The following KCNK2 variants were observed in gnomAD, a reference collection of about 807,000 sequenced individuals.
KCNK2 encodes potassium two pore domain channel subfamily K member 2.
KCNK2 carries 21 observed loss-of-function variants against 40.5 expected under a neutral mutation model. That is an observed-to-expected ratio of 0.52 (90% CI 0.37 to 0.75). The LOEUF (loss-of-function observed/expected upper bound fraction) is 0.75, where lower values mean the gene tolerates loss of function less well. Among genes scored for constraint, KCNK2 ranks in the 30% least tolerant of loss-of-function variants. The probability of loss-of-function intolerance (pLI) is 0.00; values close to 1 mark genes in which losing one functional copy is unlikely to be tolerated. For synonymous variants in KCNK2, 191 were observed against 202.2 expected, an observed-to-expected ratio of 0.94 and a Z score of 0.47; for missense variants, 399 against 531.6, an observed-to-expected ratio of 0.75 and a Z score of 2.45.
chr1:215,227,837 T>A (rs1571753522), intron 6 of KCNK2, among the ~76,000 whole-genome samples: 1 of 152,106 alleles, frequency 6.6e-6, no homozygotes, highest in Admixed American at 6.5e-5. Flanking sequence ...GTTGTAAGAT[T>A]TGCTTTAATG....
chr1:215,045,026 A>G (rs938879775), intron 1 of KCNK2, among the ~76,000 whole-genome samples: 1 of 151,784 alleles, frequency 6.6e-6, no homozygotes, highest in African/African-American at 2.4e-5. Context: ...AAAAACAAAA[A>G]CAAAAAATTA....
intron 6 of KCNK2, among the ~76,000 whole-genome samples, chr1:215,214,624 A>T (rs1002586312): frequency 1.9e-4 from 29 of 152,214 alleles, no homozygotes; most frequent in African/African-American, 6.7e-4. Flanking sequence ...CTAGGAGTTC[A>T]GGACCAGCCT....
At chr1:215,153,614 A>C (rs1662783647) in intron 3 of KCNK2, among the ~76,000 whole-genome samples, 1 of 151,028 alleles carries the variant, frequency 6.6e-6, no homozygotes, top group Admixed American at 6.6e-5. Flanking sequence ...TTTAAAGTCT[A>C]ATTTAATTTT....
At chr1:215,178,753 G>A (rs1424941743) in intron 5 of KCNK2, among the ~76,000 whole-genome samples, 1 of 151,824 alleles carries the variant, frequency 6.6e-6, no homozygotes, top group African/African-American at 2.4e-5. Context: ...GTTGGACTCA[G>A]TTTGTTGAAG....
intron 3 of KCNK2, among the ~76,000 whole-genome samples, chr1:215,152,090 A>T (rs1392385229): frequency 6.6e-6 from 1 of 152,008 alleles, no homozygotes; most frequent in Non-Finnish European, 1.5e-5. Flanking sequence ...TTATCCTTAG[A>T]TCCTTGCAGA....
chr1:215,029,894 G>A (rs970498266), intron 1 of KCNK2, among the ~76,000 whole-genome samples: 1 of 152,038 alleles, frequency 6.6e-6, no homozygotes, highest in Non-Finnish European at 1.5e-5. Flanking sequence ...GTAGGTTTTT[G>A]TGTGGACATG....
intron 3 of KCNK2, among the ~76,000 whole-genome samples, chr1:215,155,086 G>A (rs183089749): frequency 1.8e-4 from 27 of 151,668 alleles, no homozygotes; most frequent in African/African-American, 5.3e-4. Context: ...TTAAATATTT[G>A]ATGATTTAAT....
intron 1 of KCNK2, among the ~76,000 whole-genome samples, chr1:215,052,022 G>T (rs1658007881): frequency 6.6e-6 from 1 of 152,186 alleles, no homozygotes; most frequent in Non-Finnish European, 1.5e-5. Context: ...CCTACTATGT[G>T]CCAGGTGGCT....
At chr1:215,196,781 G>A (rs1011062922) in intron 6 of KCNK2, among the ~76,000 whole-genome samples, 1 of 152,090 alleles carries the variant, frequency 6.6e-6, no homozygotes, top group Admixed American at 6.6e-5. Flanking sequence ...ATCTTGAGAT[G>A]CTAAGGGAAA....
At chr1:215,053,233 G>A (rs948063617) in intron 1 of KCNK2, among the ~76,000 whole-genome samples, 20 of 152,274 alleles carry the variant, frequency 1.3e-4, no homozygotes, top group African/African-American at 4.3e-4. Flanking sequence ...CAAACTCTCA[G>A]AAGGGAATGC....
At chr1:215,005,808 C>T (rs1157455594), upstream of KCNK2, 6 of 907,342 alleles carry the variant, frequency 6.6e-6, no homozygotes, top group African/African-American at 1.6e-5. Context: ...CAGTATGGGA[C>T]GATGGCTTGT....
At chr1:215,007,193 A>ATG (rs1558054274) in intron 1 of KCNK2, among the ~76,000 whole-genome samples, 5 of 38,582 alleles carry the variant, frequency 1.3e-4, no homozygotes, top group African/African-American at 5.6e-4. Flanking sequence ...GGGTATATAT[A>ATG]TATATATATA....
At position 215,086,657 on chromosome 1, in the gene KCNK2, G is replaced by A. The variant is rs773167171; in HGVS notation, c.336G>A (p.Thr112=). 6.2e-6 allele frequency: 10 copies of A among 1,613,830 alleles called. No homozygotes were observed. The East Asian group carries it at 6.7e-5, about 11-fold the overall frequency. ...CCCAACATTCCTGTGTCAATTCGACGGAGCTGGATGAACTCATTCAGGTAA... is the reference window on the plus strand; with the variant it reads ...CCCAACATTCCTGTGTCAATTCGACAGAGCTGGATGAACTCATTCAGGTAA... ...FISQHSCVNS[T]ELDELIQQIV... Residue 112 remains threonine (T), a synonymous_variant, in exon 2 of 7, where the codon ACG becomes ACA. Transcript: ENST00000444842.
intron 1 of KCNK2, among the ~76,000 whole-genome samples, chr1:215,067,244 T>A (rs1269795465): frequency 1.3e-5 from 2 of 152,308 alleles, no homozygotes; most frequent in South Asian, 4.1e-4. Context: ...ATAATTCATG[T>A]ATCAAAATAT....
chr1:215,069,976 G>A (rs1381645772), intron 1 of KCNK2, among the ~76,000 whole-genome samples: 1 of 152,090 alleles, frequency 6.6e-6, no homozygotes. Context: ...GGGTAATGGT[G>A]GTTACTTACA....
intron 6 of KCNK2, among the ~76,000 whole-genome samples, chr1:215,234,398 CTT>C (rs980157244): frequency 2.0e-5 from 3 of 152,176 alleles, no homozygotes; most frequent in Admixed American, 2.0e-4. Context: ...ATTGCAGACT[CTT>C]TTATTCTGCC....
intron 3 of KCNK2, among the ~76,000 whole-genome samples, chr1:215,134,292 G>A (rs543167769): frequency 6.6e-5 from 10 of 152,220 alleles, no homozygotes; most frequent in African/African-American, 2.2e-4. Context: ...GCTCAGTCCC[G>A]CAAGACTGTC....
At chr1:215,111,088 A>G (rs1034228207) in intron 2 of KCNK2, among the ~76,000 whole-genome samples, 5 of 152,180 alleles carry the variant, frequency 3.3e-5, no homozygotes, top group African/African-American at 9.6e-5. Flanking sequence ...ATTATATAGC[A>G]TGTAGCTTGG....
chr1:215,067,512 A>G lies in KCNK2; in HGVS notation c.35-18856A>G, dbSNP rs567417279. 6.6e-5 allele frequency among the ~76,000 whole-genome samples: 10 copies of G among 152,284 alleles called. No homozygotes were observed. In the East Asian group the frequency reaches 1.9e-3, roughly 29 times the overall value. On this transcript the variant is annotated intron_variant, in intron 1 of 6. Coordinates refer to the KCNK2 transcript ENST00000391895. The stretch of plus-strand genomic sequence containing the variant: ...ATCATATGTAATGGCTTCTAAATAG[A>G]ATGATTGACTCTATAAGGACCCTTT...
Sources: allele counts gnomAD v4.1 joint callset (sites outside exome capture counted in the v4.1 genomes callset), GRCh38; gene constraint gnomAD v4.1.1; transcripts MANE v1.5; gene names NCBI Gene and HGNC (gene_info 2026-07-23, HGNC 2026-07-21).